Variants in KCNMA1 observed in about 807,000 individuals in gnomAD.
The protein encoded by KCNMA1 is potassium calcium-activated channel subfamily M alpha 1, also known as Calcium-activated potassium channel subunit alpha-1.
KCNMA1 carries 29 observed loss-of-function variants against 140.0 expected under a neutral mutation model. That is an observed-to-expected ratio of 0.21 (90% CI 0.15 to 0.28). The LOEUF is 0.28. KCNMA1 is among the 10% of genes least tolerant of loss of function. KCNMA1 has a pLI of 1.00. For synonymous variants in KCNMA1, 612 were observed against 611.9 expected, an observed-to-expected ratio of 1.00 and a Z score of 0.00; for missense variants, 880 against 1,602.2, an observed-to-expected ratio of 0.55 and a Z score of 7.70.
At chr10:77,269,886 G>A (rs2064510045) in intron 2 of KCNMA1, among the ~76,000 whole-genome samples, 1 of 152,134 alleles carries the variant, frequency 6.6e-6, no homozygotes, top group African/African-American at 2.4e-5. Context: ...ACGGTGATAG[G>A]GAGGCTGCCC....
At chr10:77,097,751 G>A (rs1275192878) in intron 9 of KCNMA1, among the ~76,000 whole-genome samples, 1 of 152,066 alleles carries the variant, frequency 6.6e-6, no homozygotes, top group African/African-American at 2.4e-5. Context: ...TCCTATCCAT[G>A]GACACATCTA....
At chr10:77,037,540 C>G (rs1339296150) in intron 15 of KCNMA1, among the ~76,000 whole-genome samples, 1 of 152,102 alleles carries the variant, frequency 6.6e-6, no homozygotes, top group Non-Finnish European at 1.5e-5. Context: ...GAGGAACGGA[C>G]TCAGTTCCCA....
intron 9 of KCNMA1, among the ~76,000 whole-genome samples, chr10:77,101,767 G>C (rs571948285): frequency 6.6e-6 from 1 of 152,192 alleles, no homozygotes; most frequent in South Asian, 2.1e-4. Context: ...CCTCATGAGA[G>C]CAGTCCGCCC....
intron 2 of KCNMA1, among the ~76,000 whole-genome samples, chr10:77,254,671 AG>A (rs1447473229): frequency 6.6e-6 from 1 of 152,212 alleles, no homozygotes; most frequent in Non-Finnish European, 1.5e-5. Flanking sequence ...AGATAGAAAA[AG>A]TAGGGCCCTT....
intron 19 of KCNMA1, among the ~76,000 whole-genome samples, chr10:76,994,953 G>A (rs771281121): frequency 1.3e-5 from 2 of 152,186 alleles, no homozygotes; most frequent in Non-Finnish European, 2.9e-5. Flanking sequence ...GTCTGGATGG[G>A]GAAGGAAGGC....
intron 1 of KCNMA1, among the ~76,000 whole-genome samples, chr10:77,453,260 G>A (rs1040520284): frequency 4.0e-5 from 6 of 151,724 alleles, no homozygotes; most frequent in East Asian, 3.9e-4. Flanking sequence ...GATAAGCCAC[G>A]ACATCATTAG....
chr10:77,038,352 A>G (rs1306696580), intron 15 of KCNMA1, among the ~76,000 whole-genome samples: 1 of 152,132 alleles, frequency 6.6e-6, no homozygotes, highest in Non-Finnish European at 1.5e-5. Context: ...CAGGAAGTGC[A>G]AGCAAATGGC....
At chr10:77,502,545 T>C (rs2044292207) in intron 1 of KCNMA1, among the ~76,000 whole-genome samples, 2 of 152,164 alleles carry the variant, frequency 1.3e-5, no homozygotes, top group Admixed American at 6.5e-5. Context: ...AGCTGAGTCC[T>C]CAGACTTTCA....
intron 1 of KCNMA1, among the ~76,000 whole-genome samples, chr10:77,603,332 C>T (rs959354590): frequency 6.6e-6 from 1 of 152,034 alleles, no homozygotes; most frequent in African/African-American, 2.4e-5. Flanking sequence ...CCATGGATTT[C>T]TGCAGCACCA....
intron 5 of KCNMA1, among the ~76,000 whole-genome samples, chr10:77,144,567 G>A (rs776991005): frequency 3.3e-5 from 5 of 152,136 alleles, no homozygotes; most frequent in Non-Finnish European, 5.9e-5. Flanking sequence ...CAGGATCTAT[G>A]CATTTTATTG....
chr10:77,011,888 T>C, intron 18 of KCNMA1, 79 bp downstream of exon 18: 1 of 1,237,980 alleles, frequency 8.1e-7, no homozygotes, highest in Non-Finnish European at 1.2e-6. Flanking sequence ...AGTGTTTCTC[T>C]AATAAGAAAA....
intron 19 of KCNMA1, among the ~76,000 whole-genome samples, chr10:76,985,754 C>T (rs976044827): frequency 6.6e-6 from 1 of 152,110 alleles, no homozygotes; most frequent in African/African-American, 2.4e-5. Context: ...TAAATTAACA[C>T]CCAAGTACCC....
intron 2 of KCNMA1, among the ~76,000 whole-genome samples, chr10:77,375,155 T>C (rs369344126): frequency 5.4e-4 from 82 of 152,226 alleles, no homozygotes; most frequent in African/African-American, 2.0e-3. Context: ...GTGGCACCAT[T>C]GGCGGGGGAC....
chr10:77,058,059 A>G (rs2095606667), intron 14 of KCNMA1, among the ~76,000 whole-genome samples: 1 of 150,058 alleles, frequency 6.7e-6, no homozygotes, highest in African/African-American at 2.4e-5. Context: ...TCAAACAAAA[A>G]AGAGGAGAAA....
chr10:77,132,753 T>C (rs1041673927), intron 5 of KCNMA1, among the ~76,000 whole-genome samples: 7 of 152,150 alleles, frequency 4.6e-5, no homozygotes, highest in African/African-American at 1.7e-4. Flanking sequence ...GCTTCACTGG[T>C]TGCAAGAAAA....
chr10:77,291,219 G>A (rs763149583), intron 2 of KCNMA1, among the ~76,000 whole-genome samples: 40 of 152,142 alleles, frequency 2.6e-4, no homozygotes, highest in Admixed American at 5.9e-4. Context: ...CAGTATCACT[G>A]TCATTAGAGG....
chr10:77,411,112 C>T (rs1416816554), intron 1 of KCNMA1, among the ~76,000 whole-genome samples: 2 of 152,248 alleles, frequency 1.3e-5, no homozygotes, highest in Admixed American at 1.3e-4. Flanking sequence ...AAGCGATTCT[C>T]CTGTCTCAGC....
chr10:77,243,750 C>T (rs1163787783), intron 3 of KCNMA1, among the ~76,000 whole-genome samples: 14 of 152,138 alleles, frequency 9.2e-5, no homozygotes, highest in Admixed American at 6.5e-5. Flanking sequence ...CTCTTCAATG[C>T]GTTCAGCCCT....
chr10:76,918,828 T>C (rs1391215027), intron 23 of KCNMA1, among the ~76,000 whole-genome samples: 1 of 151,824 alleles, frequency 6.6e-6, no homozygotes, highest in Non-Finnish European at 1.5e-5. Flanking sequence ...TGCAAAACCA[T>C]GGAACTAACC....
Sources: allele counts gnomAD v4.1 joint callset (sites outside exome capture counted in the v4.1 genomes callset), GRCh38; gene constraint gnomAD v4.1.1; transcripts MANE v1.5; gene names NCBI Gene and HGNC (gene_info 2026-07-23, HGNC 2026-07-21).